The following SAMD8 variants were observed in gnomAD, a reference collection of about 807,000 sequenced individuals.
SAMD8 encodes sterile alpha motif domain containing 8, also known as sphingomyelin synthase-related protein 1.
SAMD8 carries 20 observed loss-of-function variants against 42.0 expected under a neutral mutation model. The observed-to-expected ratio is 0.48, with a 90% CI of 0.34 to 0.69. SAMD8 has a LOEUF of 0.69. SAMD8 is among the 30% of genes least tolerant of loss of function. The pLI is 0.01. For synonymous variants in SAMD8, 162 were observed against 173.0 expected, an observed-to-expected ratio of 0.94 and a Z score of 0.50; for missense variants, 328 against 511.6, an observed-to-expected ratio of 0.64 and a Z score of 3.46.
chr10:75,154,395 G>A (rs971965193), intron 2 of SAMD8, among the ~76,000 whole-genome samples: 2 of 152,194 alleles, frequency 1.3e-5, no homozygotes, highest in Non-Finnish European at 2.9e-5. Flanking sequence ...AAGAAATCAT[G>A]TGGCTGTCTG....
chr10:75,115,940 C>CAAA (rs35416435), intron 1 of SAMD8, among the ~76,000 whole-genome samples: 4 of 68,852 alleles, frequency 5.8e-5, no homozygotes, highest in South Asian at 5.0e-4. Flanking sequence ...GACTCCGTCT[C>CAAA]AAAAAAAAAA....
Position 75,175,952 on chromosome 10 carries a change from G to A in SAMD8, c.793-114G>A. The A allele has an allele frequency of 2.0e-6, 3 of 1,514,026 alleles. No individual in the cohort carries two copies. In the South Asian group the frequency reaches 4.1e-5, roughly 21 times the overall value. 93.8% of individuals were successfully genotyped at this position (1,514,026 alleles called of 1,614,324 possible). Reference sequence around the variant, plus strand: ...ATTAGACTGAAGGCCTAGATGCTTTGGCTTAGATCTTATTTCTAAGTTATT... The same window carrying A: ...ATTAGACTGAAGGCCTAGATGCTTTAGCTTAGATCTTATTTCTAAGTTATT... On this transcript the variant is annotated intron_variant, in intron 4 of 5. Transcript: ENST00000542569.
At chr10:75,129,906 A>C (rs1242436008) in intron 1 of SAMD8, among the ~76,000 whole-genome samples, 2 of 152,190 alleles carry the variant, frequency 1.3e-5, no homozygotes, top group Non-Finnish European at 2.9e-5. Flanking sequence ...GAGCTAGGGC[A>C]CTGTTCTAGA....
chr10:75,103,597 C>T (rs1003923987), intron 1 of SAMD8, among the ~76,000 whole-genome samples: 2 of 152,222 alleles, frequency 1.3e-5, no homozygotes, highest in Admixed American at 6.5e-5. Context: ...TTGTCATACA[C>T]ACATACCTTG....
intron 1 of SAMD8, 151 bp downstream of exon 1, chr10:75,111,873 C>T: frequency 2.1e-6 from 2 of 963,770 alleles, no homozygotes; most frequent in Non-Finnish European, 2.7e-6. Flanking sequence ...GGATAGTCAG[C>T]TCTGGAATGG....
At chr10:75,138,618 A>T (rs918947660) in intron 1 of SAMD8, among the ~76,000 whole-genome samples, 4 of 152,192 alleles carry the variant, frequency 2.6e-5, no homozygotes, top group African/African-American at 9.6e-5. Context: ...TGGATATAAG[A>T]ATATAATAGA....
chr10:75,160,509 AAAATT>A (rs1416945172), intron 2 of SAMD8, among the ~76,000 whole-genome samples: 1 of 152,110 alleles, frequency 6.6e-6, no homozygotes, highest in African/African-American at 2.4e-5. Context: ...CCCAGCCAAG[AAAATT>A]AAATTATATC....
chr10:75,112,334 A>T (rs1363399211), intron 1 of SAMD8, among the ~76,000 whole-genome samples: 1 of 152,208 alleles, frequency 6.6e-6, no homozygotes, highest in South Asian at 2.1e-4. Flanking sequence ...ACTGAAAAAG[A>T]GAAGTGTGGT....
At position 75,171,160 on chromosome 10, in the gene SAMD8, CTTTTTTTTTTTT is replaced by C. The variant is rs1003923090; in HGVS notation, c.792+2515_792+2526del. ...TCCTTTTCTTTCTTTCTTTCTTTTT[CTTTTTTTTTTTT>C]TTTTTTTTTTTTGAGATGGAGTCTC... On this transcript the variant is annotated intron_variant, in intron 4 of 5. Coordinates refer to ENST00000542569, the MANE Select transcript of SAMD8 (RefSeq NM_001174156.2). Among the ~76,000 whole-genome samples the C allele has an allele frequency of 2.1e-3, 144 of 68,538 alleles. 1 individual carries two copies. Among genetic ancestry groups the C allele is most frequent in the African/African-American group, 8.1e-3 (141 of 17,402 alleles). 45.0% of individuals were successfully genotyped at this position (68,538 alleles called of 152,430 possible). A position where few individuals can be genotyped will look rare whatever the true frequency, so the allele number is the denominator to read the frequency against.
At position 75,180,458 on chromosome 10, in the gene SAMD8, A is replaced by G. The variant is rs1989667; in HGVS notation, c.*3766A>G. The G allele has an allele frequency of 0.19, 28,774 of 152,224 alleles. 2,980 individuals carry two copies. The highest frequency in any genetic ancestry group is 0.26 in the East Asian group (1,337 of 5,168). The allele number at this position is 152,224 out of a possible 1,614,324, so 9.4% of individuals were successfully genotyped here. A position where few individuals can be genotyped will look rare whatever the true frequency, so the allele number is the denominator to read the frequency against. Reference sequence around the variant, plus strand: ...CACGCCCATGCCTGTAGTCCCAGCTACTCGGGAGGCTGAGGCAGAAGAATC... The same window carrying G: ...CACGCCCATGCCTGTAGTCCCAGCTGCTCGGGAGGCTGAGGCAGAAGAATC... On this transcript the variant is annotated 3_prime_UTR_variant, in exon 6 of 6. Coordinates refer to ENST00000542569, the MANE Select transcript of SAMD8 (RefSeq NM_001174156.2).
upstream of SAMD8, among the ~76,000 whole-genome samples, chr10:75,108,664 G>A (rs1373322379): frequency 6.6e-6 from 1 of 152,196 alleles, no homozygotes; most frequent in Non-Finnish European, 1.5e-5. Flanking sequence ...AGAGGAGGGA[G>A]GCTGGGCCCA....
upstream of SAMD8, chr10:75,108,877 G>A: frequency 8.1e-7 from 1 of 1,228,836 alleles, no homozygotes. Context: ...GGGTCCTGGA[G>A]AAGGTCCCTG....
Position 75,111,738 on chromosome 10 carries a change from G to A in SAMD8, c.-16+16G>A. ...GACCGCGGAGGTGAGCGGGAGCTGAGGCTGAGGAGAGGGGAGCTTGGGGGG... is the reference window on the plus strand; with the variant it reads ...GACCGCGGAGGTGAGCGGGAGCTGAAGCTGAGGAGAGGGGAGCTTGGGGGG... On this transcript the variant is annotated intron_variant, in intron 1 of 5. Transcript: ENST00000542569. 4.1e-6 allele frequency: 5 copies of A among 1,233,948 alleles called. No individual in the cohort carries two copies. The highest frequency in any genetic ancestry group is 5.1e-6 in the Non-Finnish European group (5 of 988,822). The allele number at this position is 1,233,948 out of a possible 1,614,324, so 76.4% of individuals were successfully genotyped here. A position where few individuals can be genotyped will look rare whatever the true frequency, so the allele number is the denominator to read the frequency against.
Position 75,181,125 on chromosome 10 carries a change from G to C in SAMD8, c.*4433G>C, listed in dbSNP as rs764561934. The C allele has an allele frequency of 6.6e-6, 1 of 152,208 alleles. No homozygotes were observed. Among genetic ancestry groups the C allele is most frequent in the Non-Finnish European group, 1.5e-5 (1 of 68,026 alleles). The allele number at this position is 152,208 out of a possible 1,614,324, so 9.4% of individuals were successfully genotyped here. On this transcript the variant is annotated 3_prime_UTR_variant, in exon 6 of 6. Transcript: ENST00000542569. ...GCATTTGAGACAAGAAAGCTGTCTTGTAGAATAGTCCAATTGCTTTCTTAA... is the reference window on the plus strand; with the variant it reads ...GCATTTGAGACAAGAAAGCTGTCTTCTAGAATAGTCCAATTGCTTTCTTAA...
intron 1 of SAMD8, among the ~76,000 whole-genome samples, chr10:75,143,048 C>A (rs1374471262): frequency 6.6e-6 from 1 of 152,178 alleles, no homozygotes; most frequent in South Asian, 2.1e-4. Context: ...GTGGCTCACG[C>A]CTGTAATCCC....
At chr10:75,134,028 C>T (rs546021594) in intron 1 of SAMD8, among the ~76,000 whole-genome samples, 119 of 152,230 alleles carry the variant, frequency 7.8e-4, no homozygotes, top group African/African-American at 2.8e-3. Flanking sequence ...CTGCAGTGAA[C>T]ATACGTGTGC....
chr10:75,107,609 C>T (rs572405548), upstream of SAMD8, among the ~76,000 whole-genome samples: 141 of 152,032 alleles, frequency 9.3e-4, no homozygotes, highest in Non-Finnish European at 1.7e-3. Flanking sequence ...TGGAGTTTCG[C>T]CCTTTTGCCC....
chr10:75,168,392 A>G, intron 3 of SAMD8, 149 bp from the exon 4 acceptor site: 3 of 1,470,776 alleles, frequency 2.0e-6, no homozygotes, highest in East Asian at 2.4e-5. Context: ...TTGGACAACG[A>G]TGCTTTTGAT....
chr10:75,135,554 G>A (rs1431109092), intron 1 of SAMD8, among the ~76,000 whole-genome samples: 1 of 151,890 alleles, frequency 6.6e-6, no homozygotes, highest in Non-Finnish European at 1.5e-5. Context: ...GGCTGGCCGC[G>A]GTGGCTCATG....
Sources: gnomAD v4.1 joint callset for allele counts (sites outside exome capture counted in the v4.1 genomes callset) on GRCh38, gnomAD v4.1.1 for gene constraint, MANE v1.5 for transcripts, NCBI Gene and HGNC (gene_info 2026-07-23, HGNC 2026-07-21) for gene names.